ZNF131: variants seen among roughly 807,000 people sequenced by gnomAD.
ZNF131 encodes the protein zinc finger protein 131.
ZNF131 carries 7 observed loss-of-function variants against 60.0 expected under a neutral mutation model. The observed-to-expected ratio is 0.12, with a 90% confidence interval of 0.07 to 0.22. The LOEUF (loss-of-function observed/expected upper bound fraction) is 0.22, where lower values mean the gene tolerates loss of function less well. ZNF131 is among the 10% of genes least tolerant of loss of function. The pLI, the probability that ZNF131 is intolerant of heterozygous loss-of-function variation, is 1.00. For missense variants in ZNF131, 493 were observed against 740.9 expected (o/e 0.67, Z 3.88); for synonymous variants, 257 against 253.2 (o/e 1.01, Z -0.14).
At chr5:43,144,149 C>G (rs1203130026) in intron 4 of ZNF131, among the ~76,000 whole-genome samples, 2 of 149,776 alleles carry the variant, frequency 1.3e-5, no homozygotes, top group African/African-American at 4.9e-5. Context: ...GTCTCGATCT[C>G]CTGACCTCGT....
intron 4 of ZNF131, among the ~76,000 whole-genome samples, chr5:43,147,927 A>G (rs1483698961): frequency 2.0e-5 from 3 of 151,130 alleles, no homozygotes; most frequent in Non-Finnish European, 4.4e-5. Context: ...GCTGGTGGGC[A>G]CCTGTAATTC....
In ZNF131 at chr5:43,159,519, C is replaced by A. The variant is rs193293393; in HGVS notation, c.372-1730C>A. On this transcript the variant is annotated intron_variant, in intron 4 of 6. Transcript: ENST00000682664. The stretch of plus-strand genomic sequence containing the variant: ...GACCACCCTGGCCAACATGGTGAGA[C>A]CCCGTCTCTACTAAAAAATACAAAA... Among the ~76,000 whole-genome samples the A allele has an allele frequency of 2.0e-3, 300 of 151,996 alleles. 1 individual carries two copies. Among genetic ancestry groups the A allele is most frequent in the African/African-American group, 6.8e-3 (283 of 41,446 alleles).
In ZNF131 at chr5:43,161,738, T is replaced by C. The variant is rs1484874012; in HGVS notation, c.861T>C (p.Ser287=). ...ACATGAAATCACACTCCACTGAGAG[T>C]TTCAAGTGTGAAATATGCAATAAAC... ...KEHMKSHSTE[S]FKCEICNKRY... is the part of the protein sequence containing the mutation. Residue 287 remains serine (S), a synonymous_variant, in exon 5 of 7, where the codon AGT becomes AGC. Transcript: ENST00000682664. 2 of 1,614,020 alleles carry C rather than the reference T, an allele frequency of 1.2e-6. No homozygotes were observed. The highest frequency in any genetic ancestry group is 1.7e-6 in the Non-Finnish European group (2 of 1,179,992).
At chr5:43,140,136 C>T (rs1181817190) in intron 4 of ZNF131, among the ~76,000 whole-genome samples, 2 of 151,930 alleles carry the variant, frequency 1.3e-5, no homozygotes, top group East Asian at 1.9e-4. Flanking sequence ...GGGAGGATCA[C>T]CTGAGCCTGG....
intron 2 of ZNF131, among the ~76,000 whole-genome samples, chr5:43,122,732 A>G (rs1744031328): frequency 1.3e-5 from 2 of 152,220 alleles, no homozygotes; most frequent in African/African-American, 4.8e-5. Context: ...TTCTCAAGGT[A>G]ACCTGTTTTT....
At chr5:43,165,670 A>G (rs1261603250) in intron 5 of ZNF131, among the ~76,000 whole-genome samples, 1 of 152,230 alleles carries the variant, frequency 6.6e-6, no homozygotes, top group Non-Finnish European at 1.5e-5. Context: ...GAGTACATGT[A>G]ATAAGATTCT....
At chr5:43,154,121 T>G (rs1748666211) in intron 4 of ZNF131, among the ~76,000 whole-genome samples, 1 of 151,984 alleles carries the variant, frequency 6.6e-6, no homozygotes, top group Non-Finnish European at 1.5e-5. Context: ...CCTAAAGAAG[T>G]GTCAGCATGG....
chr5:43,161,632 T>C lies in ZNF131; in HGVS notation c.755T>C (p.Leu252Pro), dbSNP rs776480718. ...KQVEGIEIVE[L>P]QLSHVKDLFH... ...GTAGAAGGTATTGAAATTGTGGAAC[T>C]TCAGCTGTCACATGTGAAGGACTTG... Residue 252 changes from leucine to proline, a missense_variant, in exon 5 of 7, where the codon CTT becomes CCT. Around this residue, in one of 7 missense-constraint regions of ZNF131, gnomAD observed 138 missense variants for 158.7 expected, o/e 0.87. Coordinates refer to ENST00000682664, the MANE Select transcript of ZNF131 (RefSeq NM_001330707.2). 6 of 1,614,222 alleles carry C rather than the reference T, an allele frequency of 3.7e-6. No individual in the cohort carries two copies. Among genetic ancestry groups the C allele is most frequent in the Non-Finnish European group, 5.1e-6 (6 of 1,180,018 alleles).
intron 3 of ZNF131, among the ~76,000 whole-genome samples, chr5:43,125,450 A>G (rs1351493260): frequency 4.0e-5 from 6 of 150,980 alleles, no homozygotes; most frequent in African/African-American, 1.5e-4. Flanking sequence ...TGAGACCACG[A>G]CTGGCCAAGT....
intron 4 of ZNF131, among the ~76,000 whole-genome samples, chr5:43,152,848 G>A (rs778131367): frequency 2.6e-5 from 4 of 151,980 alleles, no homozygotes; most frequent in South Asian, 2.1e-4. Context: ...GGACTCAAGC[G>A]ATCCTCCCGC....
chr5:43,131,099 A>G (rs753869497), intron 3 of ZNF131, among the ~76,000 whole-genome samples: 1 of 151,964 alleles, frequency 6.6e-6, no homozygotes, highest in Non-Finnish European at 1.5e-5. Flanking sequence ...TCCTGACCTC[A>G]GGTGATCTGT....
intron 3 of ZNF131, among the ~76,000 whole-genome samples, chr5:43,138,544 C>T (rs1032698285): frequency 2.0e-5 from 3 of 151,988 alleles, no homozygotes; most frequent in Non-Finnish European, 4.4e-5. Flanking sequence ...CCCAGCAGCT[C>T]GGGAGGTTGA....
chr5:43,136,644 C>CT (rs1746147571), intron 3 of ZNF131, among the ~76,000 whole-genome samples: 6 of 126,326 alleles, frequency 4.7e-5, no homozygotes, highest in African/African-American at 5.5e-5. Context: ...TTTCTTTTTT[C>CT]TTTTTCTTTT....
chr5:43,134,181 C>A (rs1295607005), intron 3 of ZNF131, among the ~76,000 whole-genome samples: 1 of 152,090 alleles, frequency 6.6e-6, no homozygotes, highest in Non-Finnish European at 1.5e-5. Context: ...TATTCCATGA[C>A]TAAGTGAGAT....
intron 5 of ZNF131, among the ~76,000 whole-genome samples, chr5:43,166,904 C>T (rs1456279509): frequency 5.3e-5 from 8 of 152,068 alleles, no homozygotes; most frequent in African/African-American, 1.4e-4. Context: ...GTGATCCACC[C>T]GCCTCAGCCT....
Position 43,143,727 on chromosome 5 carries a change from G to A in ZNF131, c.371+4418G>A, listed in dbSNP as rs116727851. On this transcript the variant is annotated intron_variant, in intron 4 of 6. Transcript: ENST00000682664. The stretch of plus-strand genomic sequence containing the variant: ...TTTTTGTTGGGGAGCTCTTTATAGG[G>A]TACACCATCAGTGTCCCATCAAGCA... 2.9e-3 allele frequency among the ~76,000 whole-genome samples: 448 copies of A among 151,996 alleles called. 1 individual carries two copies. The highest frequency in any genetic ancestry group is 0.011 in the African/African-American group (438 of 41,450).
At chr5:43,166,315 C>T (rs552119125) in intron 5 of ZNF131, among the ~76,000 whole-genome samples, 1 of 152,108 alleles carries the variant, frequency 6.6e-6, no homozygotes, top group South Asian at 2.1e-4. Flanking sequence ...CTTGCTCTCA[C>T]AGGCTTCATC....
intron 1 of ZNF131, chr5:43,121,364 TCTC>T (rs1743772925): frequency 6.5e-6 from 1 of 152,966 alleles, no homozygotes; most frequent in African/African-American, 2.4e-5. Context: ...CCCGGTTTCT[TCTC>T]AGAGAGCAAG....
chr5:43,145,584 C>T (rs10058932), intron 4 of ZNF131, among the ~76,000 whole-genome samples: 1,722 of 151,954 alleles, frequency 0.011, 30 homozygotes, highest in African/African-American at 0.04. Flanking sequence ...ATCCGGGAGG[C>T]GGAGGTTGCA....
Sources: allele counts gnomAD v4.1 joint callset (sites outside exome capture counted in the v4.1 genomes callset), GRCh38; gene constraint gnomAD v4.1.1; regional missense constraint gnomAD v4.1.1; transcripts MANE v1.5; gene names NCBI Gene and HGNC (gene_info 2026-07-23, HGNC 2026-07-21).